FSTL1: variants seen among roughly 807,000 people sequenced by gnomAD.
The protein encoded by FSTL1 is follistatin-related protein 1.
In FSTL1, 24 loss-of-function variants were observed where a neutral mutation model predicts 45.9. That is an observed-to-expected ratio of 0.52 (90% CI 0.38 to 0.74). The LOEUF is 0.74. FSTL1 is among the 30% of genes least tolerant of loss of function. The pLI is 0.00. For missense variants in FSTL1, 340 were observed against 381.8 expected, an observed-to-expected ratio of 0.89 and a Z score of 0.91; for synonymous variants, 120 against 137.6, an observed-to-expected ratio of 0.87 and a Z score of 0.89.
At chr3:120,418,100 C>T (rs928077617) in intron 2 of FSTL1, among the ~76,000 whole-genome samples, 5 of 152,162 alleles carry the variant, frequency 3.3e-5, no homozygotes, top group African/African-American at 1.2e-4. Flanking sequence ...TTGAATTAAA[C>T]CAAGTCATTT....
At chr3:120,432,967 T>G (rs1937505762) in intron 2 of FSTL1, among the ~76,000 whole-genome samples, 1 of 152,144 alleles carries the variant, frequency 6.6e-6, no homozygotes, top group Non-Finnish European at 1.5e-5. Context: ...TTATCCATAC[T>G]GGAAACATCA....
intron 2 of FSTL1, among the ~76,000 whole-genome samples, chr3:120,433,374 A>AT (rs1318836407): frequency 3.6e-4 from 55 of 152,312 alleles, no homozygotes; most frequent in African/African-American, 1.3e-3. Context: ...CAGATGCACA[A>AT]CATTCTTGCA....
At chr3:120,397,219 C>T (rs894476419) in intron 10 of FSTL1, among the ~76,000 whole-genome samples, 3 of 152,170 alleles carry the variant, frequency 2.0e-5, no homozygotes, top group Non-Finnish European at 4.4e-5. Flanking sequence ...AAGCTGACTC[C>T]ATTTGGACTC....
intron 2 of FSTL1, among the ~76,000 whole-genome samples, chr3:120,417,878 CAT>C (rs1459143776): frequency 3.3e-5 from 5 of 152,206 alleles, no homozygotes; most frequent in Admixed American, 6.5e-5. Context: ...TTAAGGCTCA[CAT>C]GTCCTCATCT....
intron 2 of FSTL1, 64 bp from the exon 3 acceptor site, chr3:120,416,091 T>G (rs760199366): frequency 4.4e-6 from 5 of 1,138,588 alleles, no homozygotes; most frequent in African/African-American, 1.5e-5. Context: ...AATGAGCCCA[T>G]AATGAGATTA....
intron 3 of FSTL1, among the ~76,000 whole-genome samples, chr3:120,413,782 T>C (rs1184688575): frequency 2.9e-3 from 7 of 2,388 alleles, no homozygotes; most frequent in Admixed American, 3.8e-3. Flanking sequence ...AAAAACTCCC[T>C]CTCCCTCTCC....
At chr3:120,399,590 T>C (rs1352296116) in intron 10 of FSTL1, among the ~76,000 whole-genome samples, 1 of 152,172 alleles carries the variant, frequency 6.6e-6, no homozygotes, top group Non-Finnish European at 1.5e-5. Flanking sequence ...CCACGCTCAT[T>C]TGCAAACCAC....
In FSTL1 at chr3:120,394,452, G is replaced by C. The variant is rs958593762; in HGVS notation, c.*2500C>G. 9.9e-5 allele frequency: 15 copies of C among 152,198 alleles called. 1 individual carries two copies. 9.4% of individuals were successfully genotyped at this position (152,198 alleles called of 1,614,324 possible). On this transcript the variant is annotated 3_prime_UTR_variant, in exon 11 of 11. Transcript: ENST00000295633. ...GAAGTTTGACTACTTAAAAACATAG[G>C]TGTAAAGGAAAGACATTCAGACTGG...
chr3:120,405,714 T>C (rs1027701200), intron 6 of FSTL1, among the ~76,000 whole-genome samples: 1 of 152,114 alleles, frequency 6.6e-6, no homozygotes, highest in Non-Finnish European at 1.5e-5. Flanking sequence ...AAGCACAAAG[T>C]GAGGAGTGCA....
At position 120,410,941 on chromosome 3, in the gene FSTL1, T is replaced by A; in HGVS notation, c.331+11A>T. 1 of 1,601,118 alleles carries A rather than the reference T, an allele frequency of 6.2e-7. No individual in the cohort carries two copies. Among genetic ancestry groups the A allele is most frequent in the Non-Finnish European group, 8.6e-7 (1 of 1,168,374 alleles). ...CCTGAGATGCACACAGTAGAAAAAA[T>A]AGGCACTCACCTGGGCTGGCAGATG... On this transcript the variant is annotated intron_variant, in intron 5 of 10. Transcript: ENST00000295633.
chr3:120,411,219 C>A, intron 4 of FSTL1: 1 of 432,532 alleles, frequency 2.3e-6, no homozygotes, highest in Non-Finnish European at 4.3e-6. Flanking sequence ...GGCCTCATAC[C>A]TCCTCCTGTT....
rs1344691666 is a variant in FSTL1 at position 120,403,935 on chromosome 3, A to AC, written c.582-582_582-581insG. On this transcript the variant is annotated intron_variant, in intron 7 of 10. Transcript: ENST00000295633. ...GACTCCGTCTCAAAAAAAAAAAAAA[A>AC]AAAAAAAAACAAAAACAAAACAAAA... Among the ~76,000 whole-genome samples the AC allele has an allele frequency of 1.1e-3, 147 of 131,390 alleles. 1 individual carries two copies. Among genetic ancestry groups the AC allele is most frequent in the East Asian group, 4.7e-3 (23 of 4,946 alleles). The allele number at this position is 131,390 out of a possible 152,430, so 86.2% of individuals were successfully genotyped here. A position where few individuals can be genotyped will look rare whatever the true frequency, so the allele number is the denominator to read the frequency against.
chr3:120,412,342 T>G (rs1383134238), intron 3 of FSTL1, among the ~76,000 whole-genome samples: 1 of 152,356 alleles, frequency 6.6e-6, no homozygotes, highest in East Asian at 1.9e-4. Flanking sequence ...GATTAGGTCA[T>G]GAGGACTCCT....
chr3:120,412,832 G>GCACA (rs1451579944), intron 3 of FSTL1, among the ~76,000 whole-genome samples: 12 of 128,520 alleles, frequency 9.3e-5, no homozygotes, highest in African/African-American at 3.7e-4. Flanking sequence ...GCGCGCGCGC[G>GCACA]CGCGCGCACA....
chr3:120,428,692 C>A (rs1576222269), intron 2 of FSTL1, among the ~76,000 whole-genome samples: 1 of 152,144 alleles, frequency 6.6e-6, no homozygotes, highest in East Asian at 1.9e-4. Flanking sequence ...CTAGATTGCA[C>A]CACTGTCCTC....
At chr3:120,403,956 CAAAACAAAAACAAAAACAAAAAA>C (rs1936890595) in intron 7 of FSTL1, among the ~76,000 whole-genome samples, 1 of 51,454 alleles carries the variant, frequency 1.9e-5, no homozygotes, top group East Asian at 6.2e-4. Context: ...AAAAACAAAA[CAAAACAAAAACAAAAACAAAAAA>C]AAACAAAAAA....
At chr3:120,443,840 G>C (rs1014937658) in intron 2 of FSTL1, among the ~76,000 whole-genome samples, 3 of 149,748 alleles carry the variant, frequency 2.0e-5, no homozygotes, top group Non-Finnish European at 4.4e-5. Flanking sequence ...AAGATTAAAT[G>C]GAAATCCTCC....
chr3:120,436,396 G>C (rs1424229889), intron 2 of FSTL1, among the ~76,000 whole-genome samples: 1 of 152,210 alleles, frequency 6.6e-6, no homozygotes, highest in African/African-American at 2.4e-5. Flanking sequence ...TCCCAAGAAA[G>C]GAGATTGAGA....
intron 5 of FSTL1, 139 bp from the exon 6 acceptor site, chr3:120,409,801 T>A: frequency 1.5e-6 from 1 of 648,250 alleles, no homozygotes; most frequent in Non-Finnish European, 2.6e-6. Context: ...GATTAGCACA[T>A]CCAGGGTACA....
Sources: allele counts gnomAD v4.1 joint callset (sites outside exome capture counted in the v4.1 genomes callset), GRCh38; gene constraint gnomAD v4.1.1; transcripts MANE v1.5; gene names NCBI Gene and HGNC (gene_info 2026-07-23, HGNC 2026-07-21).